EYS: variants seen among roughly 807,000 people sequenced by gnomAD.
The protein encoded by EYS is protein eyes shut homolog.
Under a neutral mutation model 282.1 loss-of-function variants are expected in EYS, and 250 were observed. The ratio of observed to expected loss-of-function variants is 0.89; its 90% confidence interval spans 0.80 to 0.98. The LOEUF (loss-of-function observed/expected upper bound fraction) is 0.98, where lower values mean the gene tolerates loss of function less well. Ranked by LOEUF, EYS falls within the 50% of genes least tolerant of loss-of-function variation. The pLI is 0.00. For missense variants in EYS, 4,016 were observed against 3,709.0 expected, an observed-to-expected ratio of 1.08 and a Z score of -2.15; for synonymous variants, 1,355 against 1,282.9, an observed-to-expected ratio of 1.06 and a Z score of -1.20.
At chr6:63,743,956 A>G (rs1769146829) in intron 41 of EYS, among the ~76,000 whole-genome samples, 1 of 152,230 alleles carries the variant, frequency 6.6e-6, no homozygotes, top group Non-Finnish European at 1.5e-5. Context: ...TTGAGGCAGC[A>G]GTAGTGAGGG....
Position 64,670,611 on chromosome 6 carries a change from T to A in EYS, c.3444-44366A>T, listed in dbSNP as rs1301212653. 3.3e-5 allele frequency among the ~76,000 whole-genome samples: 5 copies of A among 152,110 alleles called. No individual in the cohort carries two copies. In the East Asian group the frequency reaches 9.7e-4, roughly 29 times the overall value. ...GTATTTCACTACACCACAGTCAGGA[T>A]CTTTTGTGTCCCCAGCTTCCAGGAA... is the stretch of plus-strand genomic sequence containing the variant. On this transcript the variant is annotated intron_variant, in intron 22 of 42. Transcript: ENST00000503581.
intron 1 of EYS, among the ~76,000 whole-genome samples, chr6:65,698,813 GT>G (rs1356895391): frequency 6.6e-6 from 1 of 152,122 alleles, no homozygotes; most frequent in Non-Finnish European, 1.5e-5. Flanking sequence ...AATTCTTGAA[GT>G]TTTTTCTAAA....
At chr6:65,341,086 T>C (rs1373124817) in intron 10 of EYS, among the ~76,000 whole-genome samples, 1 of 151,056 alleles carries the variant, frequency 6.6e-6, no homozygotes, top group Non-Finnish European at 1.5e-5. Flanking sequence ...TTCAGGTGAG[T>C]CTATAAGAGG....
At chr6:65,381,841 A>C (rs755099511) in intron 8 of EYS, among the ~76,000 whole-genome samples, 2 of 151,958 alleles carry the variant, frequency 1.3e-5, no homozygotes, top group African/African-American at 2.4e-5. Context: ...TTAATTTCTT[A>C]ATTTTAAGAA....
intron 13 of EYS, among the ~76,000 whole-genome samples, chr6:65,038,159 A>T (rs1772826624): frequency 6.6e-6 from 1 of 151,622 alleles, no homozygotes; most frequent in African/African-American, 2.4e-5. Flanking sequence ...TAAGTGCATA[A>T]TCCTAAACGT....
chr6:64,904,807 C>T (rs951827021), intron 16 of EYS, among the ~76,000 whole-genome samples: 3 of 152,106 alleles, frequency 2.0e-5, no homozygotes, highest in African/African-American at 7.2e-5. Context: ...ACAGGATAAC[C>T]TTGTTTCCTG....
chr6:65,651,579 C>T (rs188377595), intron 1 of EYS, among the ~76,000 whole-genome samples: 94 of 151,996 alleles, frequency 6.2e-4, no homozygotes, highest in African/African-American at 2.2e-3. Context: ...ACATCATTTC[C>T]CCTCTCCAGT....
chr6:64,763,393 G>C (rs1412361599), intron 22 of EYS, among the ~76,000 whole-genome samples: 1 of 152,132 alleles, frequency 6.6e-6, no homozygotes, highest in Non-Finnish European at 1.5e-5. Context: ...TGGAGAGAGA[G>C]ACAGAGCAAG....
chr6:64,901,294 GTATATATATA>G (rs70999177), intron 18 of EYS, among the ~76,000 whole-genome samples: 2 of 127,746 alleles, frequency 1.6e-5, no homozygotes, highest in African/African-American at 6.3e-5. Flanking sequence ...ATGTAGTTGA[GTATATATATA>G]TATATATATA....
At chr6:64,313,602 A>G (rs1282797272) in intron 29 of EYS, among the ~76,000 whole-genome samples, 2 of 152,142 alleles carry the variant, frequency 1.3e-5, no homozygotes, top group Non-Finnish European at 2.9e-5. Context: ...AAGGTTGAAA[A>G]GAAGGCAAAA....
intron 31 of EYS, among the ~76,000 whole-genome samples, chr6:64,082,908 A>C (rs1582242912): frequency 6.9e-6 from 1 of 145,928 alleles, no homozygotes; most frequent in Non-Finnish European, 1.5e-5. Context: ...AGAAAATGCA[A>C]CTTCTTTTTT....
intron 2 of EYS, among the ~76,000 whole-genome samples, chr6:65,574,057 G>C (rs1027326999): frequency 3.9e-5 from 6 of 152,128 alleles, no homozygotes; most frequent in African/African-American, 1.2e-4. Flanking sequence ...ATGGCAGTGG[G>C]AGTCCCTGCG....
At chr6:64,691,549 A>G (rs965684391) in intron 22 of EYS, among the ~76,000 whole-genome samples, 3 of 152,138 alleles carry the variant, frequency 2.0e-5, no homozygotes, top group East Asian at 1.9e-4. Context: ...ACATGTGCAG[A>G]TTTGTTACAT....
At chr6:65,626,539 AC>A (rs1473921403) in intron 2 of EYS, among the ~76,000 whole-genome samples, 2 of 151,722 alleles carry the variant, frequency 1.3e-5, no homozygotes, top group Non-Finnish European at 2.9e-5. Flanking sequence ...ACCTTAATCC[AC>A]TCCCTGTATA....
intron 36 of EYS, among the ~76,000 whole-genome samples, chr6:63,825,084 G>T (rs1413965811): frequency 6.6e-6 from 1 of 152,098 alleles, no homozygotes; most frequent in Non-Finnish European, 1.5e-5. Context: ...AGTGAGACTG[G>T]CCCTTCAGTT....
At chr6:64,850,486 A>G (rs1344872651) in intron 19 of EYS, among the ~76,000 whole-genome samples, 1 of 152,056 alleles carries the variant, frequency 6.6e-6, no homozygotes, top group Non-Finnish European at 1.5e-5. Context: ...GAAGTTAATT[A>G]GGTGAATAGG....
chr6:63,895,527 T>G (rs540723885), intron 35 of EYS, among the ~76,000 whole-genome samples: 16 of 152,330 alleles, frequency 1.1e-4, no homozygotes, highest in Middle Eastern at 3.4e-3. Context: ...GTGCTAGCCA[T>G]TCTATGAAAT....
At chr6:65,045,495 A>G (rs1773074603) in intron 13 of EYS, among the ~76,000 whole-genome samples, 1 of 151,856 alleles carries the variant, frequency 6.6e-6, no homozygotes, top group East Asian at 1.9e-4. Context: ...AACCTCTCGA[A>G]TAATTTCTGA....
intron 2 of EYS, among the ~76,000 whole-genome samples, chr6:65,608,402 G>A (rs1410024736): frequency 6.6e-6 from 1 of 152,132 alleles, no homozygotes; most frequent in East Asian, 1.9e-4. Context: ...TGCTCTGGGT[G>A]AGTCAGTGAG....
Sources: allele counts gnomAD v4.1 joint callset (sites outside exome capture counted in the v4.1 genomes callset), GRCh38; gene constraint gnomAD v4.1.1; transcripts MANE v1.5; gene names NCBI Gene and HGNC (gene_info 2026-07-23, HGNC 2026-07-21).